Variants in TIGD4 observed in about 807,000 individuals in gnomAD.
TIGD4 encodes tigger transposable element-derived protein 4.
TIGD4 carries 20 observed loss-of-function variants against 24.9 expected under a neutral mutation model. The observed-to-expected ratio is 0.80, with a 90% confidence interval of 0.56 to 1.17. TIGD4 has a LOEUF of 1.17. TIGD4 is among the 50% of genes most tolerant of loss of function. The pLI is 0.00. For missense variants in TIGD4, 566 were observed against 591.0 expected, an observed-to-expected ratio of 0.96 and a Z score of 0.44; for synonymous variants, 193 against 211.0, an observed-to-expected ratio of 0.91 and a Z score of 0.74.
Position 152,769,391 on chromosome 4 carries a change from T to C in TIGD4, c.*75A>G. ...CATTTTTTATGTTTAAGTGGTGTGGTACAACTCCTTTACATACCTTATATA... is the reference window on the plus strand; with the variant it reads ...CATTTTTTATGTTTAAGTGGTGTGGCACAACTCCTTTACATACCTTATATA... On this transcript the variant is annotated 3_prime_UTR_variant, in exon 2 of 2. Transcript: ENST00000304337. 2.8e-6 allele frequency: 3 copies of C among 1,088,338 alleles called. No individual in the cohort carries two copies. Among genetic ancestry groups the C allele is most frequent in the Non-Finnish European group, 3.8e-6 (3 of 793,434 alleles). The allele number at this position is 1,088,338 out of a possible 1,614,324, so 67.4% of individuals were successfully genotyped here.
chr4:152,778,249 C>G (rs1482343701), intron 1 of TIGD4, among the ~76,000 whole-genome samples: 1 of 152,168 alleles, frequency 6.6e-6, no homozygotes, highest in Non-Finnish European at 1.5e-5. Context: ...TAGCAGGAAT[C>G]TTTAAGATAA....
At chr4:152,779,227 TC>T (rs917562780) in intron 1 of TIGD4, among the ~76,000 whole-genome samples, 10 of 152,062 alleles carry the variant, frequency 6.6e-5, no homozygotes, top group African/African-American at 2.4e-4. Context: ...AGCTCGGTCA[TC>T]CGGAAAAAGA....
intron 1 of TIGD4, among the ~76,000 whole-genome samples, chr4:152,772,815 G>A (rs1339252395): frequency 4.0e-5 from 6 of 151,894 alleles, no homozygotes; most frequent in East Asian, 1.9e-4. Context: ...AGGTTCATGC[G>A]ATTCTCCTGC....
At chr4:152,772,061 C>G (rs1561085356) in intron 1 of TIGD4, among the ~76,000 whole-genome samples, 1 of 152,140 alleles carries the variant, frequency 6.6e-6, no homozygotes, top group Non-Finnish European at 1.5e-5. Context: ...AAATCTAAAT[C>G]CCATTCGACC....
At chr4:152,777,576 A>C (rs1169732096) in intron 1 of TIGD4, among the ~76,000 whole-genome samples, 1 of 148,510 alleles carries the variant, frequency 6.7e-6, no homozygotes, top group East Asian at 2.0e-4. Flanking sequence ...GAGAAAGGAA[A>C]AAAGGAAGGA....
rs546047976 is a variant in TIGD4 at position 152,769,905 on chromosome 4, G to C, written c.1100C>G (p.Thr367Ser). The C allele has an allele frequency of 8.1e-6, 13 of 1,613,598 alleles. No homozygotes were observed. Among genetic ancestry groups the C allele is most frequent in the East Asian group, 6.7e-5 (3 of 44,868 alleles). ...DTLHLCWRAV[T>S]PETIVKSYEE... The stretch of plus-strand genomic sequence containing the variant: ...ATAGCTTTTAACAATAGTCTCTGGG[G>C]TTACAGCCCTCCAGCAAAGATGCAA... Residue 367 changes from threonine (T) to serine (S), a missense_variant, in exon 2 of 2, where the codon ACC (threonine) becomes AGC (serine). Coordinates refer to ENST00000304337, the MANE Select transcript of TIGD4 (RefSeq NM_145720.4).
In TIGD4 at chr4:152,769,932, G is replaced by A. The variant is rs753899446; in HGVS notation, c.1073C>T (p.Thr358Ile). Residue 358 changes from threonine to isoleucine, a missense_variant, in exon 2 of 2, where the codon ACA becomes ATA. Transcript: ENST00000304337. ...TACAGCCCTCCAGCAAAGATGCAATGTATCAACTGCATCTAGTAGTGAAAA... is the reference window on the plus strand; with the variant it reads ...TACAGCCCTCCAGCAAAGATGCAATATATCAACTGCATCTAGTAGTGAAAA... ...FTFSLLDAVD[T>I]LHLCWRAVTP... 6.2e-7 allele frequency: 1 copy of A among 1,613,532 alleles called. No homozygotes were observed. The highest frequency in any genetic ancestry group is 8.5e-7 in the Non-Finnish European group (1 of 1,179,502).
intron 1 of TIGD4, among the ~76,000 whole-genome samples, chr4:152,777,996 G>A (rs967346059): frequency 3.3e-5 from 5 of 151,814 alleles, no homozygotes; most frequent in Non-Finnish European, 7.4e-5. Context: ...AGGATTAATC[G>A]TACACAGTAC....
In TIGD4 at chr4:152,771,196, A is replaced by C. The variant is rs1730166874; in HGVS notation, c.-192T>G. 5 of 591,474 alleles carry C rather than the reference A, an allele frequency of 8.5e-6. No individual in the cohort carries two copies. The Middle Eastern group carries it at 1.4e-3, about 170-fold the overall frequency. 36.6% of individuals were successfully genotyped at this position (591,474 alleles called of 1,614,324 possible). A position where few individuals can be genotyped will look rare whatever the true frequency, so the allele number is the denominator to read the frequency against. ...TGCTTTTTCAAAGATCTGAAGAAAA[A>C]TATTATATGCAACTAGAATATTTTA... is the stretch of plus-strand genomic sequence containing the variant. On this transcript the variant is annotated 5_prime_UTR_variant, in exon 2 of 2. Coordinates refer to ENST00000304337, the MANE Select transcript of TIGD4 (RefSeq NM_145720.4).
intron 1 of TIGD4, among the ~76,000 whole-genome samples, chr4:152,774,258 A>T (rs1425590004): frequency 1.3e-5 from 2 of 152,216 alleles, no homozygotes; most frequent in Non-Finnish European, 2.9e-5. Context: ...AAATGTGATA[A>T]CTTTATTTAG....
intron 1 of TIGD4, among the ~76,000 whole-genome samples, chr4:152,778,393 T>C (rs143301435): frequency 6.6e-6 from 1 of 152,366 alleles, no homozygotes; most frequent in Non-Finnish European, 1.5e-5. Flanking sequence ...GTTCTGTAGT[T>C]GCTCAGTTCC....
At chr4:152,771,789 A>G (rs1328931241) in intron 1 of TIGD4, among the ~76,000 whole-genome samples, 1 of 151,904 alleles carries the variant, frequency 6.6e-6, no homozygotes, top group Non-Finnish European at 1.5e-5. Context: ...ATAGTTCTGA[A>G]ATAAATCAGA....
chr4:152,773,858 A>G (rs954580346), intron 1 of TIGD4, among the ~76,000 whole-genome samples: 8 of 152,162 alleles, frequency 5.3e-5, no homozygotes, highest in African/African-American at 1.9e-4. Flanking sequence ...CAATTATTTC[A>G]AAATAAAAAT....
chr4:152,779,726 T>G lies in TIGD4; in HGVS notation c.-783A>C, dbSNP rs946146952. The G allele has an allele frequency of 6.6e-6, 1 of 152,250 alleles. No individual in the cohort carries two copies. The highest frequency in any genetic ancestry group is 1.5e-5 in the Non-Finnish European group (1 of 68,062). The allele number at this position is 152,250 out of a possible 1,614,324, so 9.4% of individuals were successfully genotyped here. ...AGCTCCCAGCTCTAGCCGGTGCCTC[T>G]GGCCCCGCGCGCATTAGGTCGCTGC... On this transcript the variant is annotated 5_prime_UTR_variant, in exon 1 of 2. Coordinates refer to ENST00000304337, the MANE Select transcript of TIGD4 (RefSeq NM_145720.4).
rs758309233 is a variant in TIGD4 at position 152,769,811 on chromosome 4, C to G, written c.1194G>C (p.Leu398=). The G allele has an allele frequency of 6.2e-7, 1 of 1,613,190 alleles. No individual in the cohort carries two copies. The highest frequency in any genetic ancestry group is 8.5e-7 in the Non-Finnish European group (1 of 1,179,914). ...CCCCCAGAGCATCAGCAACCAAATC[C>G]AGACCAGTATCCTTCTCTGCATTTG... The part of the protein sequence containing the change: ...DITNAEKDTG[L]DLVADALGAG... The change falls in exon 2 of 2, where the codon CTG becomes CTC. Residue 398 remains leucine (L), a synonymous_variant. Transcript: ENST00000304337.
intron 1 of TIGD4, among the ~76,000 whole-genome samples, chr4:152,777,247 T>C (rs1453002969): frequency 1.3e-5 from 2 of 152,148 alleles, no homozygotes; most frequent in African/African-American, 4.8e-5. Flanking sequence ...ATGCCACAAA[T>C]GCCATTCAGG....
chr4:152,776,098 A>C (rs989003499), intron 1 of TIGD4, among the ~76,000 whole-genome samples: 2 of 152,250 alleles, frequency 1.3e-5, no homozygotes, highest in African/African-American at 4.8e-5. Context: ...CATTAAGTGA[A>C]AAAAGCAAAA....
In TIGD4 at chr4:152,769,575, G is replaced by C. The variant is rs138411753; in HGVS notation, c.1430C>G (p.Thr477Ser). 6.2e-7 allele frequency: 1 copy of C among 1,613,530 alleles called. No homozygotes were observed. Among genetic ancestry groups the C allele is most frequent in the Non-Finnish European group, 8.5e-7 (1 of 1,179,706 alleles). ...LPLPSKSEAITALDTLKKFLR... is the reference protein window; with the variant it reads ...LPLPSKSEAISALDTLKKFLR... Reference sequence around the variant, plus strand: ...AAATTTTTTCAGAGTATCTAAAGCAGTTATTGCCTCAGATTTTGATGGTAA... The same window carrying C: ...AAATTTTTTCAGAGTATCTAAAGCACTTATTGCCTCAGATTTTGATGGTAA... The change falls in exon 2 of 2, where the codon ACT becomes AGT. Residue 477 changes from threonine to serine, a missense_variant. Coordinates refer to ENST00000304337, the MANE Select transcript of TIGD4 (RefSeq NM_145720.4).
Position 152,770,760 on chromosome 4 carries a change from GCAGTTCT to G in TIGD4, c.238_244del (p.Arg80LeufsTer10). On this transcript the variant is annotated frameshift_variant, in exon 2 of 2. Transcript: ENST00000304337. LOFTEE classifies it high-confidence loss of function. The stretch of plus-strand genomic sequence containing the variant: ...TGCCTCTTCCAGATCTGTGTAAAAA[GCAGTTCT>G]CAGTCTTTTTCTCTTTGGATCAAAT... 1 of 1,612,718 alleles carries G rather than the reference GCAGTTCT, an allele frequency of 6.2e-7. No homozygotes were observed. The highest frequency in any genetic ancestry group is 1.7e-4 in the Middle Eastern group (1 of 6,054).
Sources: allele counts gnomAD v4.1 joint callset (sites outside exome capture counted in the v4.1 genomes callset), GRCh38; gene constraint gnomAD v4.1.1; transcripts MANE v1.5; gene names NCBI Gene and HGNC (gene_info 2026-07-23, HGNC 2026-07-21).